ZNF618: variants seen among roughly 807,000 people sequenced by gnomAD.
ZNF618 encodes the protein zinc finger protein 618.
ZNF618 carries 34 observed loss-of-function variants against 103.0 expected under a neutral mutation model. The observed-to-expected ratio is 0.33, with a 90% CI of 0.25 to 0.44. ZNF618 has a LOEUF of 0.44. Ranked by LOEUF, ZNF618 falls within the 20% of genes least tolerant of loss-of-function variation. ZNF618 has a pLI of 1.00. For missense variants in ZNF618, 1,059 were observed against 1,295.4 expected (o/e 0.82, Z 2.80); for synonymous variants, 551 against 542.2 (o/e 1.02, Z -0.23).
intron 1 of ZNF618, among the ~76,000 whole-genome samples, chr9:113,906,100 G>A (rs879321943): frequency 1.3e-5 from 2 of 152,200 alleles, no homozygotes; most frequent in African/African-American, 2.4e-5. Flanking sequence ...AGTGCTTCTT[G>A]TATCAGTATT....
At chr9:113,919,064 G>A (rs1038516240) in intron 1 of ZNF618, among the ~76,000 whole-genome samples, 2 of 152,102 alleles carry the variant, frequency 1.3e-5, no homozygotes, top group Admixed American at 6.5e-5. Flanking sequence ...ATCTCCTCAC[G>A]TTTTGTCCCT....
intron 13 of ZNF618, among the ~76,000 whole-genome samples, chr9:114,039,657 C>T (rs1197076518): frequency 6.6e-6 from 1 of 152,188 alleles, no homozygotes; most frequent in Non-Finnish European, 1.5e-5. Flanking sequence ...AGCACCACAC[C>T]TGGTTTCTAA....
At chr9:114,021,346 C>T (rs1027550452) in intron 10 of ZNF618, among the ~76,000 whole-genome samples, 1 of 152,022 alleles carries the variant, frequency 6.6e-6, no homozygotes, top group African/African-American at 2.4e-5. Context: ...ACTTAACGAT[C>T]CAAGGTTAGT....
At chr9:113,899,373 C>G (rs183115343) in intron 1 of ZNF618, among the ~76,000 whole-genome samples, 2 of 152,282 alleles carry the variant, frequency 1.3e-5, no homozygotes, top group Non-Finnish European at 2.9e-5. Flanking sequence ...GGGTCCCCAG[C>G]CTCCAGGCTG....
intron 1 of ZNF618, among the ~76,000 whole-genome samples, chr9:113,904,295 C>T (rs759527956): frequency 2.6e-5 from 4 of 151,300 alleles, no homozygotes; most frequent in Non-Finnish European, 5.9e-5. Context: ...CTCCTGTGTC[C>T]CTATAAGGTG....
intron 7 of ZNF618, 119 bp from the exon 8 acceptor site, chr9:114,008,225 A>G: frequency 7.0e-7 from 1 of 1,433,990 alleles, no homozygotes; most frequent in Non-Finnish European, 9.4e-7. Flanking sequence ...CCTGGGCCCC[A>G]AGGCAAACCC....
chr9:113,883,656 C>G (rs551743517), intron 1 of ZNF618, among the ~76,000 whole-genome samples: 17 of 152,114 alleles, frequency 1.1e-4, no homozygotes, highest in Middle Eastern at 3.4e-3. Context: ...TTTTTCAGCA[C>G]GTTTTATAAA....
At chr9:113,877,938 A>G (rs1052127993) in intron 1 of ZNF618, among the ~76,000 whole-genome samples, 1 of 152,176 alleles carries the variant, frequency 6.6e-6, no homozygotes, top group African/African-American at 2.4e-5. Flanking sequence ...ATGACATGCA[A>G]CTGAATCAAT....
At chr9:114,033,818 G>C (rs1844327970) in intron 12 of ZNF618, among the ~76,000 whole-genome samples, 1 of 149,220 alleles carries the variant, frequency 6.7e-6, no homozygotes, top group Non-Finnish European at 1.5e-5. Flanking sequence ...CATATTAGGT[G>C]TCAGCCTGTG....
intron 1 of ZNF618, among the ~76,000 whole-genome samples, chr9:113,919,022 T>A (rs563232180): frequency 2.4e-4 from 37 of 152,224 alleles, no homozygotes; most frequent in Non-Finnish European, 4.9e-4. Context: ...TTAGTCTGAA[T>A]TAGCAGTTTA....
intron 1 of ZNF618, 121 bp downstream of exon 1, chr9:113,876,534 C>CT (rs1827949534): frequency 1.2e-6 from 1 of 838,662 alleles, no homozygotes; most frequent in African/African-American, 1.8e-5. Context: ...CGTTTGCGGG[C>CT]TTTTTGTGGG....
chr9:113,990,591 A>G (rs901473897), intron 3 of ZNF618, among the ~76,000 whole-genome samples: 2 of 152,220 alleles, frequency 1.3e-5, no homozygotes, highest in Non-Finnish European at 2.9e-5. Context: ...GTCCCAGACT[A>G]AAAGCTGTCA....
chr9:113,956,614 C>G (rs576476894), intron 1 of ZNF618, among the ~76,000 whole-genome samples: 2 of 152,248 alleles, frequency 1.3e-5, no homozygotes, highest in Non-Finnish European at 1.5e-5. Context: ...CTCACGGAAA[C>G]TACAGTTTGG....
chr9:113,962,155 G>A (rs1836902205), intron 1 of ZNF618, among the ~76,000 whole-genome samples: 1 of 152,180 alleles, frequency 6.6e-6, no homozygotes, highest in South Asian at 2.1e-4. Flanking sequence ...TGTGCTGATG[G>A]TTAGTATTCT....
In ZNF618 at chr9:114,036,393, C is replaced by T; in HGVS notation, c.1246+16C>T. Reference sequence around the variant, plus strand: ...TCCCATGCAGGTAAGTAGGATACGGCTTCTCTCCCCCTCTCCTTCCTCAGT... The same window carrying T: ...TCCCATGCAGGTAAGTAGGATACGGTTTCTCTCCCCCTCTCCTTCCTCAGT... On this transcript the variant is annotated intron_variant, in intron 13 of 14. Coordinates refer to ENST00000374126, the MANE Select transcript of ZNF618 (RefSeq NM_001318042.2). The T allele has an allele frequency of 1.3e-6, 2 of 1,563,620 alleles. No individual in the cohort carries two copies. Among genetic ancestry groups the T allele is most frequent in the East Asian group, 2.4e-5 (1 of 42,112 alleles).
At chr9:113,888,267 C>T (rs1389907266) in intron 1 of ZNF618, among the ~76,000 whole-genome samples, 2 of 152,292 alleles carry the variant, frequency 1.3e-5, no homozygotes, top group East Asian at 1.9e-4. Context: ...ACTTGAGACA[C>T]GGCTACCCAT....
At chr9:113,956,762 C>G (rs1475673916) in intron 1 of ZNF618, among the ~76,000 whole-genome samples, 1 of 152,112 alleles carries the variant, frequency 6.6e-6, no homozygotes, top group Non-Finnish European at 1.5e-5. Flanking sequence ...AGTGAGACAG[C>G]CTTAGCAAGT....
chr9:113,904,958 G>A (rs933179178), intron 1 of ZNF618, among the ~76,000 whole-genome samples: 1 of 152,138 alleles, frequency 6.6e-6, no homozygotes, highest in African/African-American at 2.4e-5. Context: ...GCATCTGCTT[G>A]TAGCCTAACA....
At chr9:113,937,310 G>T (rs1834114069) in intron 1 of ZNF618, among the ~76,000 whole-genome samples, 1 of 152,098 alleles carries the variant, frequency 6.6e-6, no homozygotes, top group African/African-American at 2.4e-5. Flanking sequence ...ATTTGAGACA[G>T]AAGTGAAGGC....
Sources: allele counts gnomAD v4.1 joint callset (sites outside exome capture counted in the v4.1 genomes callset), GRCh38; gene constraint gnomAD v4.1.1; transcripts MANE v1.5; gene names NCBI Gene and HGNC (gene_info 2026-07-23, HGNC 2026-07-21).